Variants in ATP9B observed in about 807,000 individuals in gnomAD.
ATP9B encodes the protein probable phospholipid-transporting ATPase IIB.
ATP9B carries 110 observed loss-of-function variants against 146.1 expected under a neutral mutation model. That is an observed-to-expected ratio of 0.75 (90% CI 0.65 to 0.88). ATP9B has a LOEUF of 0.88. Among genes scored for constraint, ATP9B ranks in the 40% least tolerant of loss-of-function variants. ATP9B has a pLI of 0.00. For synonymous variants in ATP9B, 604 were observed against 569.7 expected (o/e 1.06, Z -0.86); for missense variants, 1,499 against 1,496.4 (o/e 1.00, Z -0.03).
intron 4 of ATP9B, 49 bp from the exon 5 acceptor site, chr18:79,126,218 T>C (rs771077519): frequency 6.8e-7 from 1 of 1,478,372 alleles, no homozygotes; most frequent in African/African-American, 1.4e-5. Context: ...TAATTTTGTC[T>C]TTTTTGTTAA....
At chr18:79,181,981 A>G (rs890102945) in intron 8 of ATP9B, among the ~76,000 whole-genome samples, 5 of 152,168 alleles carry the variant, frequency 3.3e-5, no homozygotes, top group South Asian at 2.1e-4. Context: ...TGCTGAGTAT[A>G]TAAGTGTTAC....
intron 10 of ATP9B, among the ~76,000 whole-genome samples, chr18:79,211,393 A>G (rs2095582731): frequency 6.6e-6 from 1 of 152,226 alleles, no homozygotes; most frequent in Non-Finnish European, 1.5e-5. Context: ...TGAAATTGTG[A>G]TTGAACAGAA....
At chr18:79,321,445 C>T (rs544301676) in intron 15 of ATP9B, among the ~76,000 whole-genome samples, 1 of 151,296 alleles carries the variant, frequency 6.6e-6, no homozygotes, top group Non-Finnish European at 1.5e-5. Flanking sequence ...TGCGGTGGCA[C>T]GATCTCAGCT....
At chr18:79,210,191 C>T (rs1020845523) in intron 10 of ATP9B, among the ~76,000 whole-genome samples, 1 of 152,200 alleles carries the variant, frequency 6.6e-6, no homozygotes, top group Non-Finnish European at 1.5e-5. Context: ...CTCTAAAATG[C>T]AGAACTGGGT....
At chr18:79,332,868 C>A (rs924295684) in intron 17 of ATP9B, 2 of 152,206 alleles carry the variant, frequency 1.3e-5, no homozygotes, top group Non-Finnish European at 2.9e-5. Flanking sequence ...CGGGAAGAGA[C>A]ACAGCTGTTG....
intron 15 of ATP9B, among the ~76,000 whole-genome samples, chr18:79,321,018 T>C (rs1319564810): frequency 6.6e-6 from 1 of 152,218 alleles, no homozygotes; most frequent in Admixed American, 6.5e-5. Context: ...CCTTTACAAT[T>C]TTCTTTTAAT....
At chr18:79,312,964 A>G (rs2096660952) in intron 15 of ATP9B, among the ~76,000 whole-genome samples, 1 of 152,200 alleles carries the variant, frequency 6.6e-6, no homozygotes, top group Non-Finnish European at 1.5e-5. Context: ...TCGTCATCGT[A>G]TAGAGTTTTT....
At chr18:79,329,357 C>T in intron 16 of ATP9B, 55 bp downstream of exon 16, 1 of 1,450,162 alleles carries the variant, frequency 6.9e-7, no homozygotes. Flanking sequence ...GTTTTCACAC[C>T]TTTTAAACAC....
intron 26 of ATP9B, chr18:79,360,995 A>T (rs915623035): frequency 6.6e-6 from 1 of 152,222 alleles, no homozygotes; most frequent in African/African-American, 2.4e-5. Flanking sequence ...GAGACTCTAA[A>T]AATGTTTACC....
intron 15 of ATP9B, among the ~76,000 whole-genome samples, chr18:79,323,771 G>T (rs968237407): frequency 1.3e-5 from 2 of 152,192 alleles, no homozygotes; most frequent in Non-Finnish European, 2.9e-5. Flanking sequence ...ACACGTAGGG[G>T]TGCCGAGATC....
At chr18:79,111,497 AC>A (rs1338421142) in intron 3 of ATP9B, among the ~76,000 whole-genome samples, 6 of 152,116 alleles carry the variant, frequency 3.9e-5, no homozygotes, top group Non-Finnish European at 8.8e-5. Context: ...TAAAAGACAG[AC>A]CTTTTGTCAG....
chr18:79,285,548 T>G lies in ATP9B; in HGVS notation c.1411+8352T>G, dbSNP rs527482633. On this transcript the variant is annotated intron_variant, in intron 13 of 29. Transcript: ENST00000426216. The stretch of plus-strand genomic sequence containing the variant: ...TGTCAGATGAGTAGGTTGTGAAAAT[T>G]TTCTCCCATTTTGTAGGTTGCCTGT... Among the ~76,000 whole-genome samples, 983 of 152,222 alleles carry G rather than the reference T, an allele frequency of 6.5e-3. 5 individuals carry two copies. The highest frequency in any genetic ancestry group is 0.022 in the African/African-American group (917 of 41,506).
At chr18:79,126,595 T>C (rs888981421) in intron 5 of ATP9B, among the ~76,000 whole-genome samples, 3 of 152,342 alleles carry the variant, frequency 2.0e-5, no homozygotes, top group Non-Finnish European at 2.9e-5. Context: ...TGTACACATA[T>C]ATACAAATGC....
At chr18:79,278,025 A>AT (rs2096332943) in intron 13 of ATP9B, among the ~76,000 whole-genome samples, 1 of 152,258 alleles carries the variant, frequency 6.6e-6, no homozygotes, top group Admixed American at 6.5e-5. Flanking sequence ...AGCTCTAGCC[A>AT]TTGCAGCAAG....
chr18:79,087,393 C>G (rs2073936914), intron 1 of ATP9B: 1 of 152,252 alleles, frequency 6.6e-6, no homozygotes, highest in Admixed American at 6.5e-5. Context: ...GTCCCAATTT[C>G]TCATTAGTTT....
At chr18:79,156,427 G>C (rs4471755) in intron 7 of ATP9B, among the ~76,000 whole-genome samples, 75,165 of 152,068 alleles carry the variant, frequency 0.49, 20,907 homozygotes, top group African/African-American at 0.76. Flanking sequence ...TTGCTGGTTA[G>C]ATGGCCATGA....
chr18:79,219,916 A>G (rs899344112), intron 11 of ATP9B, among the ~76,000 whole-genome samples: 9 of 152,218 alleles, frequency 5.9e-5, no homozygotes, highest in African/African-American at 1.2e-4. Context: ...GAGCCTAACA[A>G]TTTAGGCTCA....
chr18:79,069,599 C>T (rs4312374), intron 1 of ATP9B, 70 bp downstream of exon 1: 103,683 of 1,039,120 alleles, frequency 0.1, 6,475 homozygotes, highest in African/African-American at 0.28. Context: ...CGCAGGAACC[C>T]GGAGCCGGGC....
chr18:79,225,221 A>G (rs2095716878), intron 11 of ATP9B, among the ~76,000 whole-genome samples: 1 of 152,120 alleles, frequency 6.6e-6, no homozygotes, highest in South Asian at 2.1e-4. Context: ...GTTTAATTTT[A>G]TTTTATTGAC....
Sources: allele counts gnomAD v4.1 joint callset (sites outside exome capture counted in the v4.1 genomes callset), GRCh38; gene constraint gnomAD v4.1.1; transcripts MANE v1.5; gene names NCBI Gene and HGNC (gene_info 2026-07-23, HGNC 2026-07-21).